SYNE2: variants seen among roughly 807,000 people sequenced by gnomAD.
SYNE2 encodes the protein nesprin-2.
Under a neutral mutation model 856.3 loss-of-function variants are expected in SYNE2, and 431 were observed. That is an observed-to-expected ratio of 0.50 (90% confidence interval 0.47 to 0.55). The LOEUF is 0.55. Among genes scored for constraint, SYNE2 ranks in the 20% least tolerant of loss-of-function variants. The pLI, the probability that SYNE2 is intolerant of heterozygous loss-of-function variation, is 0.00. For synonymous variants in SYNE2, 2,923 were observed against 2,872.3 expected (o/e 1.02, Z -0.56); for missense variants, 8,129 against 8,023.2 (o/e 1.01, Z -0.50).
In SYNE2 at chr14:63,990,967, C is replaced by G. The variant is rs200503488; in HGVS notation, c.2498C>G (p.Ala833Gly). 36 of 1,613,884 alleles carry G rather than the reference C, an allele frequency of 2.2e-5. No homozygotes were observed. In the Admixed American group the frequency reaches 5.8e-4, roughly 26 times the overall value. ...ATCAATGTGGTAAAACTCATTGCAGCGTTGAAGAACTTAACTGACGTTTCA... is the reference window on the plus strand; with the variant it reads ...ATCAATGTGGTAAAACTCATTGCAGGGTTGAAGAACTTAACTGACGTTTCA... ...VQINVVKLIA[A>G]LKNLTDVSPD... Residue 833 changes from alanine to glycine, a missense_variant, in exon 21 of 116, where the codon GCG becomes GGG. Coordinates refer to ENST00000555002, the MANE Select transcript of SYNE2 (RefSeq NM_182914.3).
intron 1 of SYNE2, among the ~76,000 whole-genome samples, chr14:63,785,935 A>G (rs1377373144): frequency 6.6e-6 from 1 of 152,034 alleles, no homozygotes; most frequent in Non-Finnish European, 1.5e-5. Context: ...GCCATACCCC[A>G]TCTATACAAC....
chr14:64,125,852 G>A (rs556213650), intron 71 of SYNE2, among the ~76,000 whole-genome samples: 50 of 152,226 alleles, frequency 3.3e-4, no homozygotes, highest in African/African-American at 1.2e-3. Context: ...CTCCTCTGCA[G>A]CCTGCTCCTG....
intron 85 of SYNE2, among the ~76,000 whole-genome samples, chr14:64,157,594 T>A (rs2098296235): frequency 1.3e-5 from 2 of 152,224 alleles, no homozygotes; most frequent in Admixed American, 1.3e-4. Flanking sequence ...TTCTCTTGTG[T>A]GTATAAGAGT....
chr14:63,813,574 C>T (rs1312655015), intron 1 of SYNE2, among the ~76,000 whole-genome samples: 1 of 152,200 alleles, frequency 6.6e-6, no homozygotes, highest in East Asian at 1.9e-4. Flanking sequence ...GGGGGTGGAT[C>T]ACGAGGTCAG....
chr14:64,204,816 A>G (rs1033548645), intron 100 of SYNE2, among the ~76,000 whole-genome samples: 10 of 152,234 alleles, frequency 6.6e-5, no homozygotes, highest in Non-Finnish European at 1.5e-4. Flanking sequence ...ACGCAAATTT[A>G]CTATATATCT....
rs777880678 is a variant in SYNE2 at position 64,053,133 on chromosome 14, G to C, written c.9220G>C (p.Asp3074His). ...GACTGAAGTAGTACTAAAAGCTCCTGATAGCTCTCCGGAAAGCAGACGGCT... is the reference window on the plus strand; with the variant it reads ...GACTGAAGTAGTACTAAAAGCTCCTCATAGCTCTCCGGAAAGCAGACGGCT... ...KMTEVVLKAPDSSPESRRLNA... is the reference protein window; with the variant it reads ...KMTEVVLKAPHSSPESRRLNA... Residue 3074 changes from aspartate to histidine, a missense_variant, in exon 48 of 116, where the codon GAT (aspartate) becomes CAT (histidine). Transcript: ENST00000555002. 1.2e-6 allele frequency: 2 copies of C among 1,614,096 alleles called. No homozygotes were observed. The highest frequency in any genetic ancestry group is 1.7e-5 in the Admixed American group (1 of 60,018).
chr14:64,129,172 T>G (rs1184283376), intron 74 of SYNE2, among the ~76,000 whole-genome samples: 1 of 152,172 alleles, frequency 6.6e-6, no homozygotes, highest in African/African-American at 2.4e-5. Context: ...CCAGGTGCAG[T>G]GGCACACGGC....
chr14:64,181,100 CTTTTT>C (rs145471636), intron 96 of SYNE2, among the ~76,000 whole-genome samples: 8 of 149,766 alleles, frequency 5.3e-5, no homozygotes, highest in Admixed American at 2.7e-4. Context: ...TTTTAATATA[CTTTTT>C]TTTTTCCTAT....
At chr14:63,818,370 T>C (rs1889087462) in intron 1 of SYNE2, among the ~76,000 whole-genome samples, 1 of 142,444 alleles carries the variant, frequency 7.0e-6, no homozygotes, top group South Asian at 2.2e-4. Flanking sequence ...AAAAAAAAAT[T>C]AGTTGGGCAT....
chr14:63,869,258 T>G (rs1178566093), intron 1 of SYNE2, among the ~76,000 whole-genome samples: 1 of 152,176 alleles, frequency 6.6e-6, no homozygotes, highest in Admixed American at 6.5e-5. Context: ...AAGATAAAAA[T>G]GAGAAGTGCT....
chr14:64,211,906 T>TC, intron 103 of SYNE2, 55 bp from the exon 104 acceptor site: 1 of 1,613,306 alleles, frequency 6.2e-7, no homozygotes, highest in East Asian at 2.2e-5. Context: ...TTGCTGTCTG[T>TC]CTGAACTCTT....
chr14:63,920,654 C>T (rs2095588755), intron 2 of SYNE2, among the ~76,000 whole-genome samples: 2 of 151,392 alleles, frequency 1.3e-5, no homozygotes, highest in South Asian at 4.2e-4. Flanking sequence ...GCAGAAAGAC[C>T]AGCATAAGTC....
chr14:63,941,456 C>T (rs1489667805), intron 3 of SYNE2, among the ~76,000 whole-genome samples: 2 of 152,200 alleles, frequency 1.3e-5, no homozygotes, highest in Non-Finnish European at 2.9e-5. Context: ...TTTAAGCTCT[C>T]AGTGAAAGCT....
intron 2 of SYNE2, among the ~76,000 whole-genome samples, chr14:63,923,450 G>T (rs2095624005): frequency 6.6e-6 from 1 of 152,234 alleles, no homozygotes; most frequent in Non-Finnish European, 1.5e-5. Context: ...AAATCTGTAT[G>T]TTGATTGAGG....
chr14:63,904,246 A>T (rs1016532485), intron 1 of SYNE2, among the ~76,000 whole-genome samples: 1 of 152,068 alleles, frequency 6.6e-6, no homozygotes, highest in African/African-American at 2.4e-5. Context: ...GGCTGAATCC[A>T]TGTCTTTGTT....
intron 100 of SYNE2, among the ~76,000 whole-genome samples, chr14:64,205,563 C>G (rs1175744111): frequency 6.6e-6 from 1 of 152,170 alleles, no homozygotes; most frequent in Non-Finnish European, 1.5e-5. Flanking sequence ...CCTCAGCCCC[C>G]AAAAGTAGCT....
At chr14:63,850,203 T>C (rs1416522654), upstream of SYNE2, among the ~76,000 whole-genome samples, 4 of 146,952 alleles carry the variant, frequency 2.7e-5, no homozygotes, top group African/African-American at 1.0e-4. Flanking sequence ...TGCCTCAGCC[T>C]CCCAAGTAGC....
Position 64,140,226 on chromosome 14 carries a change from GT to G in SYNE2, c.14976+156del, listed in dbSNP as rs781459493. Reference sequence around the variant, plus strand: ...AGCTGTGTTCTTCAAACCTAGAACTGTTTATACTGTTCATTCGTTTATAATA... The same window carrying G: ...AGCTGTGTTCTTCAAACCTAGAACTGTTATACTGTTCATTCGTTTATAATA... On this transcript the variant is annotated intron_variant, in intron 80 of 115. Transcript: ENST00000555002. 4.6e-4 allele frequency among the ~76,000 whole-genome samples: 70 copies of G among 152,294 alleles called. 2 individuals are homozygous for G. Among genetic ancestry groups the G allele is most frequent in the Non-Finnish European group, 8.2e-4 (56 of 68,034 alleles).
chr14:64,017,165 C>T (rs2096898370), intron 33 of SYNE2, among the ~76,000 whole-genome samples: 1 of 151,640 alleles, frequency 6.6e-6, no homozygotes, highest in Non-Finnish European at 1.5e-5. Context: ...CCTGTCTCTA[C>T]TAAAAATACA....
Sources: gnomAD v4.1 joint callset for allele counts (sites outside exome capture counted in the v4.1 genomes callset) on GRCh38, gnomAD v4.1.1 for gene constraint, MANE v1.5 for transcripts, NCBI Gene and HGNC (gene_info 2026-07-23, HGNC 2026-07-21) for gene names.